MID1: variants seen among roughly 807,000 people sequenced by gnomAD.
MID1 encodes midline 1.
A neutral mutation model predicts 40.4 loss-of-function variants in MID1; 7 were observed. The ratio of observed to expected loss-of-function variants is 0.17; its 90% CI spans 0.10 to 0.33. The LOEUF (loss-of-function observed/expected upper bound fraction) is 0.33, where lower values mean the gene tolerates loss of function less well. Ranked by LOEUF, MID1 falls within the 10% of genes least tolerant of loss-of-function variation. MID1 has a pLI of 1.00. For missense variants in MID1, 367 were observed against 558.5 expected, an observed-to-expected ratio of 0.66 and a Z score of 3.46; for synonymous variants, 229 against 221.2, an observed-to-expected ratio of 1.04 and a Z score of -0.31.
chrX:10,749,027 C>T (rs1569161247), intron 1 of MID1, among the ~76,000 whole-genome samples: 1 of 111,511 alleles, frequency 9.0e-6, no homozygotes, highest in Non-Finnish European at 1.9e-5. Context: ...CATCCTTGTG[C>T]ATAGCTGCAC....
chrX:10,446,018 C>T lies in MID1; in HGVS notation c.*3350G>A, dbSNP rs896153333. 2.7e-5 allele frequency: 3 copies of T among 111,356 alleles called. No homozygotes were observed. The highest frequency in any genetic ancestry group is 5.6e-4 in the East Asian group (2 of 3,543). The allele number at this position is 111,356 out of a possible 1,213,427, so 9.2% of individuals were successfully genotyped here. A position where few individuals can be genotyped will look rare whatever the true frequency, so the allele number is the denominator to read the frequency against. On this transcript the variant is annotated 3_prime_UTR_variant, in exon 10 of 10. Transcript: ENST00000317552. Reference sequence around the variant, plus strand: ...GACAACTCTTCGTGGTCGGGGGCTGCGCTTGCACTGTAGGATGTTTAACGG... The same window carrying T: ...GACAACTCTTCGTGGTCGGGGGCTGTGCTTGCACTGTAGGATGTTTAACGG...
At chrX:10,557,339 C>T (rs1054581031) in intron 2 of MID1, among the ~76,000 whole-genome samples, 4 of 111,936 alleles carry the variant, frequency 3.6e-5, no homozygotes, top group African/African-American at 1.3e-4. Flanking sequence ...GCCAAGCAGG[C>T]GTTTAAAAAT....
At chrX:10,719,174 A>G (rs1231029125) in intron 1 of MID1, among the ~76,000 whole-genome samples, 19 of 111,231 alleles carry the variant, frequency 1.7e-4, no homozygotes, top group Non-Finnish European at 3.2e-4. Context: ...CCTATTCAAC[A>G]TAGTGTTGGA....
At chrX:10,694,797 C>T (rs981178574) in intron 1 of MID1, among the ~76,000 whole-genome samples, 4 of 112,188 alleles carry the variant, frequency 3.6e-5, no homozygotes, top group Non-Finnish European at 7.5e-5. Context: ...AAAATTATGA[C>T]ACTAAGAGAA....
chrX:10,787,904 T>C (rs779672002), intron 1 of MID1, among the ~76,000 whole-genome samples: 1 of 111,287 alleles, frequency 9.0e-6, no homozygotes, highest in South Asian at 3.9e-4. Flanking sequence ...TAAATGTTGA[T>C]ATAATGCTTT....
chrX:10,457,031 T>A (rs1357514628), intron 8 of MID1, among the ~76,000 whole-genome samples: 2 of 111,839 alleles, frequency 1.8e-5, no homozygotes, highest in African/African-American at 3.3e-5. Flanking sequence ...AACTATGAAC[T>A]AAGACAAGAA....
chrX:10,566,595 G>C (rs1440919582), intron 2 of MID1, among the ~76,000 whole-genome samples: 2 of 103,021 alleles, frequency 1.9e-5, no homozygotes, highest in African/African-American at 7.6e-5. Flanking sequence ...ACTCTCTTTG[G>C]AAGAACTGTA....
At chrX:10,460,463 GGA>G (rs1446314147) in intron 7 of MID1, among the ~76,000 whole-genome samples, 1 of 111,526 alleles carries the variant, frequency 9.0e-6, no homozygotes, top group African/African-American at 3.3e-5. Context: ...TATGATGCTT[GGA>G]AGAATATGTA....
intron 1 of MID1, among the ~76,000 whole-genome samples, chrX:10,691,674 T>C (rs1407343816): frequency 8.9e-6 from 1 of 111,748 alleles, no homozygotes; most frequent in Admixed American, 9.5e-5. Flanking sequence ...CAATATGAAA[T>C]CAGTGCACCC....
chrX:10,730,537 G>A (rs745416481), intron 1 of MID1, among the ~76,000 whole-genome samples: 10 of 104,697 alleles, frequency 9.6e-5, no homozygotes, highest in African/African-American at 3.1e-4. Context: ...AAATCGTACC[G>A]CAACTAACCT....
At chrX:10,539,348 T>C (rs1367803423) in intron 2 of MID1, among the ~76,000 whole-genome samples, 1 of 112,004 alleles carries the variant, frequency 8.9e-6, no homozygotes, top group Non-Finnish European at 1.9e-5. Context: ...CATCTCCCTA[T>C]AACAAAGCTC....
At chrX:10,651,762 G>A (rs1320560932) in intron 1 of MID1, among the ~76,000 whole-genome samples, 1 of 111,722 alleles carries the variant, frequency 9.0e-6, no homozygotes, top group African/African-American at 3.3e-5. Flanking sequence ...AGTAGCTGGG[G>A]CTATAGGCAC....
intron 2 of MID1, among the ~76,000 whole-genome samples, chrX:10,557,425 A>G (rs772741664): frequency 2.0e-4 from 22 of 112,082 alleles, no homozygotes; most frequent in Non-Finnish European, 4.1e-4. Flanking sequence ...TCAAAAGGCA[A>G]TCCTGCCTGT....
At chrX:10,674,423 C>T (rs928645345) in intron 1 of MID1, among the ~76,000 whole-genome samples, 6 of 112,356 alleles carry the variant, frequency 5.3e-5, no homozygotes, top group Non-Finnish European at 9.4e-5. Context: ...GCAATAAACT[C>T]CACAAAACAT....
intron 1 of MID1, among the ~76,000 whole-genome samples, chrX:10,782,416 T>C (rs1168394518): frequency 8.9e-6 from 1 of 111,784 alleles, no homozygotes; most frequent in African/African-American, 3.3e-5. Flanking sequence ...TTTCTCTTCC[T>C]ATGATTTAGA....
chrX:10,807,955 A>G (rs1247872559), intron 1 of MID1, among the ~76,000 whole-genome samples: 3 of 112,433 alleles, frequency 2.7e-5, no homozygotes, highest in Non-Finnish European at 5.6e-5. Flanking sequence ...CACATTGGAC[A>G]CTTTAACAAG....
chrX:10,463,965 T>G (rs1402877591), intron 7 of MID1, among the ~76,000 whole-genome samples: 1 of 112,247 alleles, frequency 8.9e-6, no homozygotes, highest in African/African-American at 3.2e-5. Flanking sequence ...CTGTAGGCAT[T>G]AGGACTTCAC....
chrX:10,632,569 C>T (rs981309762), intron 1 of MID1, among the ~76,000 whole-genome samples: 4 of 110,575 alleles, frequency 3.6e-5, no homozygotes, highest in Non-Finnish European at 7.6e-5. Context: ...CATCAGAATC[C>T]CCTAGAGGGC....
At chrX:10,787,837 A>T (rs1404047370) in intron 1 of MID1, among the ~76,000 whole-genome samples, 1 of 110,048 alleles carries the variant, frequency 9.1e-6, no homozygotes, top group Non-Finnish European at 1.9e-5. Flanking sequence ...TTTAAGGAAG[A>T]CATAAAAATC....
Sources: allele counts gnomAD v4.1 joint callset (sites outside exome capture counted in the v4.1 genomes callset), GRCh38; gene constraint gnomAD v4.1.1; transcripts MANE v1.5; gene names NCBI Gene and HGNC (gene_info 2026-07-23, HGNC 2026-07-21).